The following ZNF385D variants were observed in gnomAD, a reference collection of about 807,000 sequenced individuals.
ZNF385D encodes zinc finger protein 659.
ZNF385D carries 15 observed loss-of-function variants against 35.8 expected under a neutral mutation model. That is an observed-to-expected ratio of 0.42 (90% confidence interval 0.28 to 0.64). The LOEUF (loss-of-function observed/expected upper bound fraction) is 0.64. Ranked by LOEUF, ZNF385D falls within the 30% of genes least tolerant of loss-of-function variation. The pLI is 0.23. For synonymous variants in ZNF385D, 212 were observed against 186.8 expected (o/e 1.13, Z -1.10); for missense variants, 474 against 494.6 (o/e 0.96, Z 0.39).
intron 2 of ZNF385D, among the ~76,000 whole-genome samples, chr3:21,597,197 A>G (rs1442873377): frequency 6.6e-6 from 1 of 152,162 alleles, no homozygotes; most frequent in Admixed American, 6.5e-5. Context: ...CTAATTAATT[A>G]ATTGCTTCAT....
chr3:22,083,283 T>G (rs1209595304), intron 3 of ZNF385D, among the ~76,000 whole-genome samples: 2 of 148,372 alleles, frequency 1.3e-5, no homozygotes, highest in South Asian at 2.1e-4. Context: ...AACAAACTTC[T>G]CCGAGCTAAA....
intron 3 of ZNF385D, among the ~76,000 whole-genome samples, chr3:21,824,143 C>T (rs1334784217): frequency 6.6e-6 from 1 of 152,156 alleles, no homozygotes; most frequent in Non-Finnish European, 1.5e-5. Context: ...TAAAACATGA[C>T]TTCTTTCAAA....
At chr3:22,180,882 G>T (rs1469879416) in intron 2 of ZNF385D, among the ~76,000 whole-genome samples, 1 of 138,280 alleles carries the variant, frequency 7.2e-6, no homozygotes, top group East Asian at 2.0e-4. Flanking sequence ...GAAGATTTCG[G>T]CTTGTAAATC....
intron 3 of ZNF385D, among the ~76,000 whole-genome samples, chr3:21,788,621 T>C (rs2071798449): frequency 6.6e-6 from 1 of 152,356 alleles, no homozygotes; most frequent in East Asian, 1.9e-4. Context: ...AAAACAACTT[T>C]CAAATTTTTG....
At chr3:21,833,040 G>A (rs998349502) in intron 3 of ZNF385D, among the ~76,000 whole-genome samples, 18 of 152,176 alleles carry the variant, frequency 1.2e-4, no homozygotes, top group African/African-American at 4.3e-4. Flanking sequence ...CTTGTATCAT[G>A]ACACTTTCCA....
chr3:21,706,815 GATA>G (rs2067917244), intron 1 of ZNF385D, among the ~76,000 whole-genome samples: 2 of 1,474 alleles, frequency 1.4e-3, no homozygotes, highest in Admixed American at 4.0e-3. Flanking sequence ...GATAATAGAT[GATA>G]GATAGATAGA....
chr3:22,274,349 TATG>T (rs1415787952), intron 2 of ZNF385D, among the ~76,000 whole-genome samples: 2 of 152,020 alleles, frequency 1.3e-5, no homozygotes, highest in Non-Finnish European at 2.9e-5. Context: ...ATGAGGACAG[TATG>T]ATATCTCATA....
In ZNF385D at chr3:22,008,829, G is replaced by A. The variant is rs142196498; in HGVS notation, c.325+159988C>T. ...AAAATACTGCAAGTCAAGACAAATG[G>A]TAATTAGCTAAATCAAAGCATATGA... On this transcript the variant is annotated intron_variant, in intron 3 of 5. Coordinates refer to the ZNF385D transcript ENST00000494108. 3.2e-3 allele frequency among the ~76,000 whole-genome samples: 484 copies of A among 152,258 alleles called. 9 individuals are homozygous for A. Among genetic ancestry groups the A allele is most frequent in the South Asian group, 1.2e-3 (6 of 4,816 alleles).
chr3:21,510,021 T>C (rs548799631), intron 4 of ZNF385D, among the ~76,000 whole-genome samples: 1 of 152,358 alleles, frequency 6.6e-6, no homozygotes, highest in Admixed American at 6.5e-5. Flanking sequence ...TCATTGGTGA[T>C]GATATGAACG....
chr3:21,581,686 G>A (rs2063669685), intron 2 of ZNF385D, among the ~76,000 whole-genome samples: 2 of 152,140 alleles, frequency 1.3e-5, no homozygotes, highest in African/African-American at 4.8e-5. Context: ...TTATCTGAAG[G>A]TGACTGTGTT....
intron 3 of ZNF385D, among the ~76,000 whole-genome samples, chr3:21,955,345 G>T (rs2125306296): frequency 6.6e-6 from 1 of 152,146 alleles, no homozygotes; most frequent in South Asian, 2.1e-4. Flanking sequence ...AAAAAACAAA[G>T]CTACATGGAA....
chr3:22,188,454 A>AT lies in ZNF385D; in HGVS notation c.107-19420dup, dbSNP rs67521159. Among the ~76,000 whole-genome samples the AT allele has an allele frequency of 2.7e-3, 403 of 147,776 alleles. 1 individual carries two copies. The highest frequency in any genetic ancestry group is 0.014 in the Middle Eastern group (4 of 288). On this transcript the variant is annotated intron_variant, in intron 2 of 5. Coordinates refer to the ZNF385D transcript ENST00000494108. The stretch of plus-strand genomic sequence containing the variant: ...TTACATACAAATACGTGTGTATACT[A>AT]TTTTTTTTTTTTTGAGACGGAGTCT...
At chr3:22,218,636 T>C (rs1280794834) in intron 2 of ZNF385D, among the ~76,000 whole-genome samples, 1 of 152,106 alleles carries the variant, frequency 6.6e-6, no homozygotes, top group Non-Finnish European at 1.5e-5. Context: ...TTTTTCTTGT[T>C]CCTCTCCTGC....
chr3:22,148,250 C>T (rs1262542844), intron 3 of ZNF385D, among the ~76,000 whole-genome samples: 1 of 152,040 alleles, frequency 6.6e-6, no homozygotes, highest in Non-Finnish European at 1.5e-5. Context: ...TTTGCCAGAC[C>T]TAAAAGAGCC....
At chr3:22,208,507 G>A (rs1576497907) in intron 2 of ZNF385D, among the ~76,000 whole-genome samples, 1 of 151,212 alleles carries the variant, frequency 6.6e-6, no homozygotes. Context: ...AAAATAGTTG[G>A]AAAAAAATGA....
Position 21,419,389 on chromosome 3 carries a change from T to C in ZNF385D, c.*1825A>G, listed in dbSNP as rs78579768. 35 of 152,218 alleles carry C rather than the reference T, an allele frequency of 2.3e-4. No individual in the cohort carries two copies. The highest frequency in any genetic ancestry group is 8.4e-4 in the African/African-American group (35 of 41,542). The allele number at this position is 152,218 out of a possible 1,614,324, so 9.4% of individuals were successfully genotyped here. On this transcript the variant is annotated 3_prime_UTR_variant, in exon 8 of 8. Coordinates refer to ENST00000281523, the MANE Select transcript of ZNF385D (RefSeq NM_024697.3). ...TTAATGTTGAGCACCAAGCACGCTATGGTGTTTCTTAAATATAAAATGATA... is the reference window on the plus strand; with the variant it reads ...TTAATGTTGAGCACCAAGCACGCTACGGTGTTTCTTAAATATAAAATGATA...
chr3:21,770,777 G>C (rs1489831037), intron 3 of ZNF385D, among the ~76,000 whole-genome samples: 1 of 152,078 alleles, frequency 6.6e-6, no homozygotes, highest in African/African-American at 2.4e-5. Flanking sequence ...CTGCTATAAA[G>C]ACACATGCAC....
At position 21,664,492 on chromosome 3, in the gene ZNF385D, C is replaced by T. The variant is rs866785219; in HGVS notation, c.165+394G>A. Among the ~76,000 whole-genome samples, 6 of 152,234 alleles carry T rather than the reference C, an allele frequency of 3.9e-5. No homozygotes were observed. The South Asian group carries it at 1.2e-3, about 32-fold the overall frequency. ...TATTTATTAAGTTAGAAAAACGTAACAGATTTGGAAATTAAAATAGATAGA... is the reference window on the plus strand; with the variant it reads ...TATTTATTAAGTTAGAAAAACGTAATAGATTTGGAAATTAAAATAGATAGA... On this transcript the variant is annotated intron_variant, in intron 2 of 7. Transcript: ENST00000281523.
intron 4 of ZNF385D, among the ~76,000 whole-genome samples, chr3:21,502,910 T>C (rs1431569392): frequency 6.6e-6 from 1 of 152,194 alleles, no homozygotes; most frequent in Non-Finnish European, 1.5e-5. Flanking sequence ...TGCCAAGACG[T>C]ATGCAGTGGG....
Sources: gnomAD v4.1 joint callset for allele counts (sites outside exome capture counted in the v4.1 genomes callset) on GRCh38, gnomAD v4.1.1 for gene constraint, MANE v1.5 for transcripts, NCBI Gene and HGNC (gene_info 2026-07-23, HGNC 2026-07-21) for gene names.